Variants in OXCT1 observed in about 807,000 individuals in gnomAD.
OXCT1 encodes the protein 3-oxoacid CoA-transferase 1.
Under a neutral mutation model 69.6 loss-of-function variants are expected in OXCT1, and 27 were observed. The ratio of observed to expected loss-of-function variants is 0.39; its 90% confidence interval spans 0.29 to 0.54. The LOEUF is 0.54. Among genes scored for constraint, OXCT1 ranks in the 20% least tolerant of loss-of-function variants. The pLI is 0.72. For synonymous variants in OXCT1, 202 were observed against 217.8 expected, an observed-to-expected ratio of 0.93 and a Z score of 0.64; for missense variants, 437 against 650.2, an observed-to-expected ratio of 0.67 and a Z score of 3.57.
At chr5:41,769,665 G>C (rs1172837711) in intron 13 of OXCT1, among the ~76,000 whole-genome samples, 1 of 151,864 alleles carries the variant, frequency 6.6e-6, no homozygotes, top group East Asian at 1.9e-4. Context: ...GCAAATCAAG[G>C]CCATGCTGAG....
intron 13 of OXCT1, among the ~76,000 whole-genome samples, chr5:41,782,215 T>G (rs1397335333): frequency 6.6e-6 from 1 of 151,586 alleles, no homozygotes; most frequent in Non-Finnish European, 1.5e-5. Context: ...TCAGTGATGT[T>G]GAGCTTTTTT....
At chr5:41,826,396 T>G (rs907507478) in intron 7 of OXCT1, among the ~76,000 whole-genome samples, 1 of 152,176 alleles carries the variant, frequency 6.6e-6, no homozygotes, top group Admixed American at 6.5e-5. Context: ...TCATCATCAC[T>G]GGGTCAATGA....
chr5:41,736,776 G>C (rs1395975684), intron 16 of OXCT1, among the ~76,000 whole-genome samples: 1 of 152,030 alleles, frequency 6.6e-6, no homozygotes, highest in East Asian at 1.9e-4. Context: ...GGCAACACTG[G>C]CCAATCATTC....
At chr5:41,834,788 G>A (rs1194996008) in intron 7 of OXCT1, among the ~76,000 whole-genome samples, 1 of 152,010 alleles carries the variant, frequency 6.6e-6, no homozygotes, top group Admixed American at 6.6e-5. Flanking sequence ...CAGAGACATA[G>A]GACTTAATCT....
intron 12 of OXCT1, 93 bp downstream of exon 12, chr5:41,794,584 G>T: frequency 8.9e-7 from 1 of 1,125,298 alleles, no homozygotes; most frequent in Non-Finnish European, 1.3e-6. Flanking sequence ...GCTGGGAAAT[G>T]TGGCTGTGTT....
intron 7 of OXCT1, among the ~76,000 whole-genome samples, chr5:41,832,536 T>C (rs1262298280): frequency 2.6e-5 from 4 of 152,008 alleles, no homozygotes; most frequent in South Asian, 4.2e-4. Flanking sequence ...TAGAAAGCGT[T>C]CCCAAGGAAA....
chr5:41,796,676 TG>T (rs2112238490), intron 11 of OXCT1, among the ~76,000 whole-genome samples: 1 of 152,356 alleles, frequency 6.6e-6, no homozygotes, highest in Admixed American at 6.5e-5. Context: ...GAAATATTTT[TG>T]TATCTTTTAA....
At chr5:41,836,327 G>T (rs1748360945) in intron 7 of OXCT1, among the ~76,000 whole-genome samples, 1 of 152,192 alleles carries the variant, frequency 6.6e-6, no homozygotes, top group Admixed American at 6.5e-5. Flanking sequence ...AGCTACCTAG[G>T]TCCATAAGAG....
At chr5:41,817,222 C>T (rs9292825) in intron 7 of OXCT1, among the ~76,000 whole-genome samples, 58,762 of 151,750 alleles carry the variant, frequency 0.39, 14,077 homozygotes, top group African/African-American at 0.68. Context: ...TTCACTGAGC[C>T]TTCCTATAGT....
At position 41,745,421 on chromosome 5, in the gene OXCT1, T is replaced by C. The variant is rs564365357; in HGVS notation, c.1419+4106A>G. On this transcript the variant is annotated intron_variant, in intron 15 of 16. Transcript: ENST00000196371. ...AAAGCAGTGTGTAGAGGGAAATTTATAGCACTAAATGCCCACAAGAGAAAG... is the reference window on the plus strand; with the variant it reads ...AAAGCAGTGTGTAGAGGGAAATTTACAGCACTAAATGCCCACAAGAGAAAG... 8.5e-3 allele frequency among the ~76,000 whole-genome samples: 1,294 copies of C among 152,272 alleles called. 20 individuals are homozygous for C. Among genetic ancestry groups the C allele is most frequent in the African/African-American group, 0.03 (1,240 of 41,546 alleles).
At chr5:41,767,916 C>T (rs924276834) in intron 13 of OXCT1, among the ~76,000 whole-genome samples, 16 of 151,530 alleles carry the variant, frequency 1.1e-4, no homozygotes, top group African/African-American at 3.9e-4. Flanking sequence ...TTTCCCAGAA[C>T]ACTTTATATG....
intron 7 of OXCT1, among the ~76,000 whole-genome samples, chr5:41,836,390 T>A (rs981321013): frequency 6.6e-6 from 1 of 152,176 alleles, no homozygotes; most frequent in Admixed American, 6.5e-5. Context: ...TGGGGAAGCA[T>A]GCAAATGGCT....
chr5:41,772,353 T>TA (rs575182962), intron 13 of OXCT1, among the ~76,000 whole-genome samples: 527 of 141,632 alleles, frequency 3.7e-3, no homozygotes, highest in African/African-American at 0.01. Context: ...TGGATGAGAT[T>TA]AAAAAAAACA....
At chr5:41,736,473 T>C (rs1742890383) in intron 16 of OXCT1, among the ~76,000 whole-genome samples, 1 of 152,238 alleles carries the variant, frequency 6.6e-6, no homozygotes, top group Non-Finnish European at 1.5e-5. Flanking sequence ...TTATGGCTAA[T>C]AACACTATGA....
chr5:41,740,178 G>T (rs577921575), intron 15 of OXCT1, among the ~76,000 whole-genome samples: 1 of 152,110 alleles, frequency 6.6e-6, no homozygotes, highest in Non-Finnish European at 1.5e-5. Context: ...GAGAGAGAAA[G>T]GGAATATTTG....
Position 41,844,391 on chromosome 5 carries a change from C to T in OXCT1, c.565-1610G>A, listed in dbSNP as rs139179023. ...GCCCTGTATTACCAACCTCTTCACA[C>T]TCAGTTGATCATTCCCTTCTTTTTA... On this transcript the variant is annotated intron_variant, in intron 5 of 16. Coordinates refer to ENST00000196371, the MANE Select transcript of OXCT1 (RefSeq NM_000436.4). Among the ~76,000 whole-genome samples, 8 of 152,286 alleles carry T rather than the reference C, an allele frequency of 5.3e-5. No individual in the cohort carries two copies. The East Asian group carries it at 1.5e-3, about 29-fold the overall frequency.
intron 6 of OXCT1, 111 bp from the exon 7 acceptor site, chr5:41,840,622 A>G: frequency 1.5e-6 from 1 of 675,826 alleles, no homozygotes; most frequent in Non-Finnish European, 2.6e-6. Context: ...GAATCTAAGA[A>G]TCTTTCCAAA....
intron 11 of OXCT1, among the ~76,000 whole-genome samples, chr5:41,798,711 C>T (rs3922473): frequency 0.015 from 2,273 of 152,274 alleles, 57 homozygotes; most frequent in African/African-American, 0.052. Context: ...GCAAAATGCA[C>T]AATACAGAAG....
At chr5:41,743,027 A>G (rs1743259476) in intron 15 of OXCT1, among the ~76,000 whole-genome samples, 1 of 152,136 alleles carries the variant, frequency 6.6e-6, no homozygotes, top group Non-Finnish European at 1.5e-5. Context: ...TGGTATTTCT[A>G]ATTCTAGATC....
Sources: allele counts gnomAD v4.1 joint callset (sites outside exome capture counted in the v4.1 genomes callset), GRCh38; gene constraint gnomAD v4.1.1; transcripts MANE v1.5; gene names NCBI Gene and HGNC (gene_info 2026-07-23, HGNC 2026-07-21).